The following SNTG1 variants were observed in gnomAD, a reference collection of about 807,000 sequenced individuals.
SNTG1 encodes gamma-1-syntrophin.
SNTG1 carries 39 observed loss-of-function variants against 74.7 expected under a neutral mutation model. That is an observed-to-expected ratio of 0.52 (90% CI 0.40 to 0.68). The LOEUF is 0.68. Ranked by LOEUF, SNTG1 falls within the 30% of genes least tolerant of loss-of-function variation. The pLI, the probability that SNTG1 is intolerant of heterozygous loss-of-function variation, is 0.00. For synonymous variants in SNTG1, 254 were observed against 217.1 expected, an observed-to-expected ratio of 1.17 and a Z score of -1.49; for missense variants, 685 against 609.5, an observed-to-expected ratio of 1.12 and a Z score of -1.30.
intron 2 of SNTG1, among the ~76,000 whole-genome samples, chr8:50,239,877 C>T (rs1418550159): frequency 2.0e-5 from 3 of 152,124 alleles, no homozygotes; most frequent in Admixed American, 6.6e-5. Flanking sequence ...TTCCAGACCT[C>T]GGTCTCAATT....
At chr8:50,355,929 C>T (rs2091804033) in intron 2 of SNTG1, among the ~76,000 whole-genome samples, 1 of 152,138 alleles carries the variant, frequency 6.6e-6, no homozygotes, top group South Asian at 2.1e-4. Context: ...TTCTGAGCAC[C>T]AGATCCTTCT....
chr8:50,749,364 C>T (rs1377321701), intron 17 of SNTG1, among the ~76,000 whole-genome samples: 1 of 152,038 alleles, frequency 6.6e-6, no homozygotes, highest in Non-Finnish European at 1.5e-5. Context: ...GAAGCCATCT[C>T]TACACCATAA....
chr8:50,388,795 T>C (rs2092613224), intron 2 of SNTG1, among the ~76,000 whole-genome samples: 1 of 152,218 alleles, frequency 6.6e-6, no homozygotes, highest in Admixed American at 6.5e-5. Context: ...AGTGAGTTGA[T>C]TATATATATC....
In SNTG1 at chr8:49,959,806, T is replaced by C. The variant is rs150570607; in HGVS notation, c.-103+47575T>C. The stretch of plus-strand genomic sequence containing the variant: ...GAAGTATGCTATAATTTACAGTTAG[T>C]TTTTAGAATACAAATGGTAACCTTT... On this transcript the variant is annotated intron_variant, in intron 1 of 18. Transcript: ENST00000642720. Among the ~76,000 whole-genome samples the C allele has an allele frequency of 4.9e-4, 75 of 152,280 alleles. No individual in the cohort carries two copies. In the East Asian group the frequency reaches 0.013, roughly 25 times the overall value.
chr8:50,102,301 G>T (rs2080166277), intron 1 of SNTG1, among the ~76,000 whole-genome samples: 1 of 151,866 alleles, frequency 6.6e-6, no homozygotes. Flanking sequence ...GCATTTCTCT[G>T]ATGGCCAGTG....
intron 2 of SNTG1, among the ~76,000 whole-genome samples, chr8:50,295,067 A>G (rs2089301018): frequency 6.6e-6 from 1 of 152,230 alleles, no homozygotes; most frequent in South Asian, 2.1e-4. Context: ...ATACCTATGG[A>G]GGTACTGTAG....
intron 2 of SNTG1, among the ~76,000 whole-genome samples, chr8:50,290,268 G>A (rs536836880): frequency 2.0e-5 from 3 of 152,210 alleles, no homozygotes; most frequent in East Asian, 1.9e-4. Context: ...GATGTGCTTC[G>A]TGAGTCATTA....
At chr8:50,461,808 G>C (rs2093565646) in intron 8 of SNTG1, among the ~76,000 whole-genome samples, 1 of 151,948 alleles carries the variant, frequency 6.6e-6, no homozygotes, top group Non-Finnish European at 1.5e-5. Flanking sequence ...TATATTTCCT[G>C]CCAGTCTAAG....
intron 1 of SNTG1, among the ~76,000 whole-genome samples, chr8:49,924,512 G>T (rs1806841010): frequency 6.6e-6 from 1 of 152,140 alleles, no homozygotes; most frequent in Non-Finnish European, 1.5e-5. Flanking sequence ...CCAGAAGTGA[G>T]CAGAGCCGGG....
intron 15 of SNTG1, among the ~76,000 whole-genome samples, chr8:50,668,645 C>A (rs1432805716): frequency 1.3e-5 from 2 of 151,232 alleles, no homozygotes; most frequent in African/African-American, 4.9e-5. Context: ...TAAGGTACCT[C>A]CCCTGACCCT....
intron 2 of SNTG1, among the ~76,000 whole-genome samples, chr8:50,183,339 T>C (rs1299036625): frequency 1.3e-5 from 2 of 152,156 alleles, no homozygotes; most frequent in African/African-American, 4.8e-5. Flanking sequence ...TCTCAGCTAT[T>C]TGTGCATTTG....
At chr8:50,118,059 C>G (rs1486988433) in intron 1 of SNTG1, among the ~76,000 whole-genome samples, 1 of 152,120 alleles carries the variant, frequency 6.6e-6, no homozygotes, top group Non-Finnish European at 1.5e-5. Context: ...ACTTGCTTCT[C>G]TATTTTCCAA....
chr8:50,363,275 C>T lies in SNTG1; in HGVS notation c.-27-30937C>T, dbSNP rs191596195. Among the ~76,000 whole-genome samples, 283 of 152,236 alleles carry T rather than the reference C, an allele frequency of 1.9e-3. 1 individual carries two copies. The highest frequency in any genetic ancestry group is 6.4e-3 in the African/African-American group (264 of 41,544). On this transcript the variant is annotated intron_variant, in intron 2 of 18. Transcript: ENST00000642720. Reference sequence around the variant, plus strand: ...GAAAATAAACAAGTATGATCCCTGCCTTACCTGAATTTACATCCCCTCTCC... The same window carrying T: ...GAAAATAAACAAGTATGATCCCTGCTTTACCTGAATTTACATCCCCTCTCC...
chr8:50,381,735 G>T (rs2092487670), intron 2 of SNTG1, among the ~76,000 whole-genome samples: 2 of 118,964 alleles, frequency 1.7e-5, no homozygotes, highest in African/African-American at 3.2e-5. Context: ...TATCCTATTA[G>T]TTATATATAT....
At chr8:50,328,509 T>C (rs2130860823) in intron 2 of SNTG1, among the ~76,000 whole-genome samples, 1 of 152,306 alleles carries the variant, frequency 6.6e-6, no homozygotes, top group South Asian at 2.1e-4. Context: ...GCAAACACTT[T>C]CTTCACAAGG....
At chr8:50,233,968 C>T (rs1454570422) in intron 2 of SNTG1, among the ~76,000 whole-genome samples, 1 of 151,682 alleles carries the variant, frequency 6.6e-6, no homozygotes, top group South Asian at 2.1e-4. Flanking sequence ...GTCATAAAGC[C>T]ACTCTGAAAA....
chr8:50,731,063 T>C (rs757622669), intron 17 of SNTG1, among the ~76,000 whole-genome samples: 3 of 152,222 alleles, frequency 2.0e-5, no homozygotes, highest in Non-Finnish European at 4.4e-5. Context: ...ATGTGGCTTA[T>C]AAGTAGAATA....
intron 2 of SNTG1, among the ~76,000 whole-genome samples, chr8:50,253,490 A>C (rs1018240043): frequency 5.3e-5 from 8 of 152,132 alleles, no homozygotes; most frequent in Non-Finnish European, 1.0e-4. Context: ...TATAAATCCA[A>C]GGGAAATGAA....
At chr8:50,372,520 G>A (rs367640162) in intron 2 of SNTG1, among the ~76,000 whole-genome samples, 1 of 151,648 alleles carries the variant, frequency 6.6e-6, no homozygotes, top group Admixed American at 6.6e-5. Context: ...TATTTAAAAT[G>A]GGCAAATATG....
Sources: gnomAD v4.1 joint callset for allele counts (sites outside exome capture counted in the v4.1 genomes callset) on GRCh38, gnomAD v4.1.1 for gene constraint, MANE v1.5 for transcripts, NCBI Gene and HGNC (gene_info 2026-07-23, HGNC 2026-07-21) for gene names.